The following USP50 variants were observed in gnomAD, a reference collection of about 807,000 sequenced individuals.
The protein encoded by USP50 is ubiquitin specific peptidase 50.
In USP50, 37 loss-of-function variants were observed where a neutral mutation model predicts 39.2. The ratio of observed to expected loss-of-function variants is 0.94; its 90% CI spans 0.73 to 1.24. USP50 has a LOEUF of 1.24. USP50 is among the 50% of genes most tolerant of loss of function. The pLI, the probability that USP50 is intolerant of heterozygous loss-of-function variation, is 0.00. For synonymous variants in USP50, 139 were observed against 144.5 expected (o/e 0.96, Z 0.27); for missense variants, 374 against 398.2 (o/e 0.94, Z 0.52).
At chr15:50,533,739 C>T (rs964586147) in intron 5 of USP50, among the ~76,000 whole-genome samples, 3 of 152,170 alleles carry the variant, frequency 2.0e-5, no homozygotes, top group African/African-American at 7.2e-5. Context: ...GTGGCTCATG[C>T]CTGTAATCCC....
Position 50,526,859 on chromosome 15 carries a change from G to A in USP50, c.936+2938C>T, listed in dbSNP as rs540813329. 2.0e-4 allele frequency among the ~76,000 whole-genome samples: 31 copies of A among 152,320 alleles called. No individual in the cohort carries two copies. The East Asian group carries it at 4.2e-3, about 21-fold the overall frequency. The stretch of plus-strand genomic sequence containing the variant: ...GCCTGTTTCCTATTCTGTAAAATGG[G>A]AATAATACAGAGTGCCTACCTCGTA... On this transcript the variant is annotated intron_variant, in intron 6 of 6. Transcript: ENST00000532404.
chr15:50,499,817 T>G (rs537681794), downstream of USP50: 2 of 152,260 alleles, frequency 1.3e-5, no homozygotes, highest in Non-Finnish European at 2.9e-5. Context: ...TATTGTATTA[T>G]CAAATATAGG....
chr15:50,500,946 T>A, intron 6 of USP50, 109 bp from the exon 7 acceptor site: 1 of 919,048 alleles, frequency 1.1e-6, no homozygotes, highest in South Asian at 1.5e-5. Flanking sequence ...TATTCTAAAT[T>A]AAAAGGAAGT....
intron 6 of USP50, chr15:50,507,905 C>G (rs1227421710): frequency 2.0e-5 from 3 of 151,614 alleles, no homozygotes; most frequent in Non-Finnish European, 2.9e-5. Context: ...CCCGTCTCTA[C>G]TAAAAATACA....
chr15:50,526,339 C>T (rs986433262), intron 6 of USP50, among the ~76,000 whole-genome samples: 2 of 152,130 alleles, frequency 1.3e-5, no homozygotes, highest in Admixed American at 1.3e-4. Flanking sequence ...GGACTACAGG[C>T]GTGAGCCACT....
chr15:50,501,941 T>G (rs1255293617), intron 6 of USP50: 2 of 152,182 alleles, frequency 1.3e-5, no homozygotes, highest in East Asian at 3.8e-4. Flanking sequence ...ACAGTCATGC[T>G]CATTTGTTTA....
chr15:50,499,775 A>G (rs2052546092), downstream of USP50: 1 of 152,156 alleles, frequency 6.6e-6, no homozygotes, highest in Non-Finnish European at 1.5e-5. Context: ...TGAGAAAAAT[A>G]ATTTATAACC....
At chr15:50,516,986 C>T (rs921146957) in intron 6 of USP50, among the ~76,000 whole-genome samples, 3 of 152,126 alleles carry the variant, frequency 2.0e-5, no homozygotes, top group Non-Finnish European at 4.4e-5. Context: ...TTCAATACCC[C>T]ACTTGCAACA....
At chr15:50,498,501 T>G, downstream of USP50, 1 of 1,413,176 alleles carries the variant, frequency 7.1e-7, no homozygotes, top group South Asian at 1.8e-5. Flanking sequence ...TTGAAATGGA[T>G]TTTACAGTCC....
At position 50,529,874 on chromosome 15, in the gene USP50, G is replaced by C. The variant is rs571432071; in HGVS notation, c.859C>G (p.Leu287Val). 2 of 1,614,010 alleles carry C rather than the reference G, an allele frequency of 1.2e-6. No homozygotes were observed. The highest frequency in any genetic ancestry group is 2.2e-5 in the South Asian group (2 of 91,086). ...TAAGGAGTGAGGTCCAAGTTAGTGA[G>C]TGGGTAATGAATATCCGTTCTCAGC... The part of the protein sequence containing the change: ...RKLRTDIHYP[L>V]TNLDLTPYIC... Residue 287 changes from leucine (L) to valine (V), a missense_variant, in exon 6 of 7, where the codon CTC becomes GTC. Coordinates refer to ENST00000532404, the MANE Select transcript of USP50 (RefSeq NM_203494.5).
chr15:50,545,094 A>T (rs983020914), intron 1 of USP50, among the ~76,000 whole-genome samples: 2 of 152,164 alleles, frequency 1.3e-5, no homozygotes, highest in Non-Finnish European at 2.9e-5. Context: ...AAATTAAATT[A>T]AAAACAAAAT....
downstream of USP50, chr15:50,493,105 C>G (rs569984865): frequency 5.9e-6 from 4 of 679,048 alleles, no homozygotes; most frequent in South Asian, 1.5e-5. Flanking sequence ...ATCTGGTGCG[C>G]TTTTTTGCTG....
At chr15:50,497,396 C>T, downstream of USP50, 1 of 741,264 alleles carries the variant, frequency 1.3e-6, no homozygotes, top group South Asian at 3.6e-5. Flanking sequence ...ACTGTTAGTT[C>T]ACCTCAGTGT....
At chr15:50,503,287 G>A (rs1246350028) in intron 6 of USP50, 1 of 152,490 alleles carries the variant, frequency 6.6e-6, no homozygotes, top group Non-Finnish European at 1.5e-5. Flanking sequence ...GGAGGTTGCA[G>A]TGAGCTGAGA....
intron 5 of USP50, among the ~76,000 whole-genome samples, chr15:50,536,596 G>A (rs184187912): frequency 2.6e-5 from 4 of 152,122 alleles, no homozygotes; most frequent in Admixed American, 1.3e-4. Context: ...AGCCGAGATC[G>A]TGCCACTGCA....
chr15:50,532,815 A>G (rs1237603749), intron 5 of USP50, among the ~76,000 whole-genome samples: 4 of 152,198 alleles, frequency 2.6e-5, no homozygotes, highest in African/African-American at 9.6e-5. Context: ...GAACCAAAAG[A>G]AATGCTAGAG....
downstream of USP50, chr15:50,499,670 G>T (rs1320222586): frequency 6.6e-6 from 1 of 151,424 alleles, no homozygotes; most frequent in Non-Finnish European, 1.5e-5. Context: ...GCTTTGGGCT[G>T]TATTTGTGCA....
downstream of USP50, chr15:50,499,048 A>T: frequency 6.2e-7 from 1 of 1,613,338 alleles, no homozygotes; most frequent in Non-Finnish European, 8.5e-7. Flanking sequence ...ATCCTCTTTT[A>T]TACTTCATTG....
chr15:50,496,501 C>T (rs1405760483), downstream of USP50, among the ~76,000 whole-genome samples: 2 of 141,992 alleles, frequency 1.4e-5, no homozygotes, highest in African/African-American at 2.7e-5. Flanking sequence ...AAAAAAAAAA[C>T]CTTTTATCAG....
Sources: gnomAD v4.1 joint callset for allele counts (sites outside exome capture counted in the v4.1 genomes callset) on GRCh38, gnomAD v4.1.1 for gene constraint, MANE v1.5 for transcripts, NCBI Gene and HGNC (gene_info 2026-07-23, HGNC 2026-07-21) for gene names.